ARHGAP30: variants seen among roughly 807,000 people sequenced by gnomAD.
The protein encoded by ARHGAP30 is rho GTPase-activating protein 30.
ARHGAP30 carries 23 observed loss-of-function variants against 72.0 expected under a neutral mutation model. The ratio of observed to expected loss-of-function variants is 0.32; its 90% CI spans 0.23 to 0.45. The LOEUF is 0.45. ARHGAP30 is among the 20% of genes least tolerant of loss of function. The pLI is 1.00. For missense variants in ARHGAP30, 1,319 were observed against 1,383.4 expected, an observed-to-expected ratio of 0.95 and a Z score of 0.74; for synonymous variants, 576 against 528.2, an observed-to-expected ratio of 1.09 and a Z score of -1.24.
At chr1:161,064,294 A>G (rs1652529230) in intron 1 of ARHGAP30, among the ~76,000 whole-genome samples, 1 of 152,246 alleles carries the variant, frequency 6.6e-6, no homozygotes, top group Non-Finnish European at 1.5e-5. Flanking sequence ...ATAGGAAAGA[A>G]CCTACATGAT....
intron 10 of ARHGAP30, among the ~76,000 whole-genome samples, chr1:161,050,360 G>A (rs911308185): frequency 2.1e-5 from 3 of 146,118 alleles, no homozygotes; most frequent in Non-Finnish European, 3.0e-5. Context: ...GTGCAGTGGC[G>A]CAATCTCAGC....
At position 161,048,934 on chromosome 1, in the gene ARHGAP30, C is replaced by T; in HGVS notation, c.2087G>A (p.Gly696Glu). 8 of 1,614,050 alleles carry T rather than the reference C, an allele frequency of 5.0e-6. No individual in the cohort carries two copies. The highest frequency in any genetic ancestry group is 5.9e-6 in the Non-Finnish European group (7 of 1,180,026). Reference protein sequence around the residue: ...GKASEDRGEAGGSQETKVRLR... With the variant: ...GKASEDRGEAEGSQETKVRLR... ...TCTGACTTTTGTCTCTTGGCTTCCC[C>T]CAGCCTCCCCTCTATCCTCACTGGC... The change falls in exon 12 of 12, where the codon GGG (glycine) becomes GAG (glutamate). Residue 696 changes from glycine (G) to glutamate (E), a missense_variant. Physicochemically the swap from Gly to Glu is moderately conservative, Grantham distance 98. Around this residue, in one of 2 missense-constraint regions of ARHGAP30, gnomAD observed 1,097 missense variants for 1,045.2 expected, o/e 1.05. Transcript: ENST00000368013.
chr1:161,049,819 T>A (rs1253222072), intron 10 of ARHGAP30, 130 bp from the exon 11 acceptor site: 11 of 1,257,394 alleles, frequency 8.7e-6, no homozygotes, highest in Non-Finnish European at 1.2e-5. Context: ...ACTGATCCTT[T>A]CAGACCAATG....
intron 1 of ARHGAP30, among the ~76,000 whole-genome samples, chr1:161,064,634 T>C (rs1326558692): frequency 6.6e-6 from 1 of 151,942 alleles, no homozygotes; most frequent in African/African-American, 2.4e-5. Context: ...GGCTCACACC[T>C]GTAGTCCCAG....
chr1:161,068,443 AC>A (rs1652919815), intron 1 of ARHGAP30, among the ~76,000 whole-genome samples: 1 of 152,036 alleles, frequency 6.6e-6, no homozygotes, highest in Non-Finnish European at 1.5e-5. Context: ...GTGTCTGGGG[AC>A]GCAGGGGCGG....
At chr1:161,063,292 G>C (rs766950866) in intron 1 of ARHGAP30, among the ~76,000 whole-genome samples, 1 of 152,226 alleles carries the variant, frequency 6.6e-6, no homozygotes, top group Non-Finnish European at 1.5e-5. Context: ...TGGAGGGACC[G>C]GCTGAAGCCA....
chr1:161,048,289 C>T lies in ARHGAP30; in HGVS notation c.2732G>A (p.Cys911Tyr), dbSNP rs1651032056. ...EGQPSPDGCLCPCSLGLGGVG... is the reference protein window; with the variant it reads ...EGQPSPDGCLYPCSLGLGGVG... ...GCCACCCAGGCCAAGAGAACAGGGG[C>T]ATAGACAGCCGTCTGGACTGGGCTG... Residue 911 changes from cysteine to tyrosine, a missense_variant, in exon 12 of 12, where the codon TGC becomes TAC. This residue lies in a region of ARHGAP30 where 1,097 missense variants were observed against 1,045.2 expected (regional missense o/e 1.05). Coordinates refer to ENST00000368013, the MANE Select transcript of ARHGAP30 (RefSeq NM_001025598.2). 5.0e-6 allele frequency: 8 copies of T among 1,614,044 alleles called. No homozygotes were observed. Among genetic ancestry groups the T allele is most frequent in the Admixed American group, 3.3e-5 (2 of 59,996 alleles).
chr1:161,056,633 T>C (rs1651897614), intron 2 of ARHGAP30, 101 bp from the exon 3 acceptor site: 1 of 1,322,762 alleles, frequency 7.6e-7, no homozygotes, highest in East Asian at 2.4e-5. Context: ...TGGGTCAACA[T>C]GTGTTGGACT....
chr1:161,051,384 A>G lies in ARHGAP30; in HGVS notation c.1350T>C (p.Pro450=), dbSNP rs1651352216. 1.9e-6 allele frequency: 3 copies of G among 1,613,856 alleles called. No individual in the cohort carries two copies. Among genetic ancestry groups the G allele is most frequent in the East Asian group, 2.2e-5 (1 of 44,886 alleles). The part of the protein sequence containing the change: ...LARLTRGLEC[P]ALQHRPSPAS... ...CAGGGCTTGGCCGGTGCTGTAGAGC[A>G]GGGCACTCAAGGCCACGGGTGAGCC... The change falls in exon 10 of 12, where the codon CCT becomes CCC. Residue 450 remains proline, a synonymous_variant. Coordinates refer to ENST00000368013, the MANE Select transcript of ARHGAP30 (RefSeq NM_001025598.2).
chr1:161,053,047 G>A (rs911372520), intron 6 of ARHGAP30: 21 of 873,774 alleles, frequency 2.4e-5, no homozygotes, highest in Non-Finnish European at 3.1e-5. Context: ...AGCCAGGATG[G>A]TGACTCAGAG....
In ARHGAP30 at chr1:161,046,991, T is replaced by C. The variant is rs1026947582; in HGVS notation, c.*724A>G. On this transcript the variant is annotated 3_prime_UTR_variant, in exon 12 of 12. Coordinates refer to ENST00000368013, the MANE Select transcript of ARHGAP30 (RefSeq NM_001025598.2). ...TCTGAGACATTGACCTTCACTAGAG[T>C]GGGACCTGTGGCCCCAGCCTGGCTG... 1 of 470,254 alleles carries C rather than the reference T, an allele frequency of 2.1e-6. No homozygotes were observed. Among genetic ancestry groups the C allele is most frequent in the African/African-American group, 2.0e-5 (1 of 50,024 alleles). The allele number at this position is 470,254 out of a possible 1,614,324, so 29.1% of individuals were successfully genotyped here.
rs746534176 is a variant in ARHGAP30 at position 161,049,419 on chromosome 1, C to T, written c.1686+5G>A. 1 of 1,606,636 alleles carries T rather than the reference C, an allele frequency of 6.2e-7. No individual in the cohort carries two copies. The highest frequency in any genetic ancestry group is 1.1e-5 in the South Asian group (1 of 90,182). On this transcript the variant is annotated splice_donor_5th_base_variant and intron_variant, in intron 11 of 11. Transcript: ENST00000368013. ...CACCCCCAAACCCAGCACGGCTCTC[C>T]TTACCTGAGGCCCAACTCCCAGGAG...
At chr1:161,055,290 G>C (rs1445104798) in intron 3 of ARHGAP30, among the ~76,000 whole-genome samples, 1 of 152,128 alleles carries the variant, frequency 6.6e-6, no homozygotes, top group East Asian at 1.9e-4. Flanking sequence ...TTAGGAGCTT[G>C]AGACCAGCGT....
chr1:161,052,479 C>T lies in ARHGAP30; in HGVS notation c.901G>A (p.Glu301Lys). 6.2e-7 allele frequency: 1 copy of T among 1,613,894 alleles called. No homozygotes were observed. Among genetic ancestry groups the T allele is most frequent in the Non-Finnish European group, 8.5e-7 (1 of 1,180,018 alleles). The change falls in exon 8 of 12, where the codon GAG becomes AAG. Residue 301 changes from glutamate to lysine, a missense_variant. By Grantham distance (56) the Glu-to-Lys change is moderately conservative (BLOSUM62 1). Coordinates refer to ENST00000368013, the MANE Select transcript of ARHGAP30 (RefSeq NM_001025598.2). The stretch of plus-strand genomic sequence containing the variant: ...CCCCGTGGAAGTTTACGCTTAGTCT[C>T]ATGGCCAGAGCGACCTAAATTGAAG... ...SIFNLGRSGH[E>K]TKRKLPRGAE...
chr1:161,051,803 G>A, intron 9 of ARHGAP30, 88 bp from the exon 10 acceptor site: 1 of 1,444,306 alleles, frequency 6.9e-7, no homozygotes, highest in South Asian at 1.5e-5. Context: ...AATGCTCTCT[G>A]CTTTCTCAGG....
At chr1:161,052,169 A>T in intron 9 of ARHGAP30, 117 bp downstream of exon 9, 2 of 1,063,950 alleles carry the variant, frequency 1.9e-6, no homozygotes, top group Non-Finnish European at 2.8e-6. Context: ...GGTATATAAT[A>T]GGCACTCATT....
chr1:161,048,824 C>A lies in ARHGAP30; in HGVS notation c.2197G>T (p.Gly733Cys). The A allele has an allele frequency of 1.2e-6, 2 of 1,614,138 alleles. No individual in the cohort carries two copies. Among genetic ancestry groups the A allele is most frequent in the Non-Finnish European group, 1.7e-6 (2 of 1,180,042 alleles). Residue 733 changes from glycine to cysteine, a missense_variant, in exon 12 of 12, where the codon GGT becomes TGT. Gly to Cys is a radical substitution (Grantham distance 159, BLOSUM62 -3). Around this residue, in one of 2 missense-constraint regions of ARHGAP30, gnomAD observed 1,097 missense variants for 1,045.2 expected, o/e 1.05. Coordinates refer to ENST00000368013, the MANE Select transcript of ARHGAP30 (RefSeq NM_001025598.2). The stretch of plus-strand genomic sequence containing the variant: ...TCATCTCCTCCTGGTTCCTCCACAC[C>A]TTTAGCCTCCATACTGTCAGCCTTC... ...QKKADSMEAK[G>C]VEEPGGDEYT...
intron 5 of ARHGAP30, 52 bp downstream of exon 5, chr1:161,054,314 C>T: frequency 1.3e-6 from 2 of 1,539,884 alleles, no homozygotes; most frequent in Non-Finnish European, 1.8e-6. Context: ...AGCAGCCTCC[C>T]AAAGGCCAGT....
In ARHGAP30 at chr1:161,049,412, G is replaced by A. The variant is rs191146080; in HGVS notation, c.1686+12C>T. On this transcript the variant is annotated intron_variant, in intron 11 of 11. Coordinates refer to ENST00000368013, the MANE Select transcript of ARHGAP30 (RefSeq NM_001025598.2). ...TCCATGCCACCCCCAAACCCAGCAC[G>A]GCTCTCCTTACCTGAGGCCCAACTC... The A allele has an allele frequency of 1.4e-4, 218 of 1,602,988 alleles. No individual in the cohort carries two copies. Among genetic ancestry groups the A allele is most frequent in the Non-Finnish European group, 1.7e-4 (196 of 1,173,736 alleles).
Sources: gnomAD v4.1 joint callset for allele counts (sites outside exome capture counted in the v4.1 genomes callset) on GRCh38, gnomAD v4.1.1 for gene constraint, gnomAD v4.1.1 regional missense constraint, MANE v1.5 for transcripts, NCBI Gene and HGNC (gene_info 2026-07-23, HGNC 2026-07-21) for gene names.